Variants in HYAL3 observed in about 807,000 individuals in gnomAD.
HYAL3 encodes the protein hyaluronidase-3.
A neutral mutation model predicts 29.6 loss-of-function variants in HYAL3; 25 were observed. That is an observed-to-expected ratio of 0.85 (90% CI 0.62 to 1.18). The LOEUF (loss-of-function observed/expected upper bound fraction) is 1.18. HYAL3 is among the 50% of genes most tolerant of loss of function. The probability of loss-of-function intolerance (pLI) is 0.00; values close to 1 mark genes in which losing one functional copy is unlikely to be tolerated. For missense variants in HYAL3, 442 were observed against 548.4 expected (o/e 0.81, Z 1.94); for synonymous variants, 215 against 218.3 (o/e 0.99, Z 0.13).
chr3:50,293,762 G>C (rs782321542), intron 2 of HYAL3, 41 bp from the exon 3 acceptor site: 28 of 1,540,146 alleles, frequency 1.8e-5, no homozygotes, highest in Middle Eastern at 3.4e-4. Context: ...GGGCTGGCCA[G>C]ATCCATGTGG....
rs782543339 is a variant in HYAL3, at chr3:50,293,535, T to C, written c.985-20A>G. ...CTCCTCCTGAGGAGAAGGGAAGATATGTGTCAATATGCCTGCTCTATAATC... is the reference window on the plus strand; with the variant it reads ...CTCCTCCTGAGGAGAAGGGAAGATACGTGTCAATATGCCTGCTCTATAATC... On this transcript the variant is annotated intron_variant, in intron 3 of 3. Transcript: ENST00000336307. 5 of 1,611,148 alleles carry C rather than the reference T, an allele frequency of 3.1e-6. No individual in the cohort carries two copies. The highest frequency in any genetic ancestry group is 1.3e-5 in the African/African-American group (1 of 74,890).
intron 3 of HYAL3, 40 bp from the exon 4 acceptor site, chr3:50,293,555 A>G (rs782184414): frequency 6.2e-7 from 1 of 1,611,882 alleles, no homozygotes; most frequent in South Asian, 1.1e-5. Flanking sequence ...TGCCTGCTCT[A>G]TAATCTTGAC....
chr3:50,297,240 C>T lies in HYAL3; in HGVS notation c.-17-1621G>A. On this transcript the variant is annotated intron_variant, in intron 1 of 3. Transcript: ENST00000336307. The surrounding 1 kb of genome is among the most constrained non-coding windows in gnomAD (Gnocchi z 4.3). The stretch of plus-strand genomic sequence containing the variant: ...CCACTGATCATTGATGAGGTCAGCA[C>T]AAGCATCCAGGAGCTCGGGTCGGCG... 6.2e-7 allele frequency: 1 copy of T among 1,612,176 alleles called. No homozygotes were observed. The highest frequency in any genetic ancestry group is 8.5e-7 in the Non-Finnish European group (1 of 1,178,768).
In HYAL3 at chr3:50,294,965, G is replaced by T; in HGVS notation, c.638C>A (p.Ala213Asp). 6.2e-7 allele frequency: 1 copy of T among 1,612,328 alleles called. No homozygotes were observed. Among genetic ancestry groups the T allele is most frequent in the Non-Finnish European group, 8.5e-7 (1 of 1,179,222 alleles). ...ATGGCAGCGGCCGGTATAGTTGGAA[G>T]CCATACTATGCCAGCCATTGCCACA... ...PACGNGWHSM[A>D]SNYTGRCHAA... Residue 213 changes from alanine (A) to aspartate (D), a missense_variant, in exon 2 of 4, where the codon GCT becomes GAT. By Grantham distance (126) the Ala-to-Asp change is moderately radical. Coordinates refer to ENST00000336307, the MANE Select transcript of HYAL3 (RefSeq NM_003549.4).
Position 50,294,747 on chromosome 3 carries a change from G to A in HYAL3, c.856C>T (p.Arg286Cys), listed in dbSNP as rs755885665. ...CTCCCAGATCTCCGGTGTGTGAGGC[G>A]GACATAGGCCAGGACAGGCAGGGGA... The part of the protein sequence containing the change: ...RHPLPVLAYV[R>C]LTHRRSGRFL... The change falls in exon 2 of 4, where the codon CGC becomes TGC. Residue 286 changes from arginine to cysteine, a missense_variant. Physicochemically the swap from Arg to Cys is radical, Grantham distance 180. Transcript: ENST00000336307. 2.5e-5 allele frequency: 38 copies of A among 1,507,684 alleles called. No homozygotes were observed. The highest frequency in any genetic ancestry group is 9.1e-5 in the Admixed American group (4 of 43,924). The allele number at this position is 1,507,684 out of a possible 1,614,324, so 93.4% of individuals were successfully genotyped here.
chr3:50,299,377 C>T lies in HYAL3; in HGVS notation c.-182G>A, dbSNP rs1270517207. 1.0e-5 allele frequency: 15 copies of T among 1,469,314 alleles called. No individual in the cohort carries two copies. The highest frequency in any genetic ancestry group is 2.5e-5 in the East Asian group (1 of 40,228). 91.0% of individuals were successfully genotyped at this position (1,469,314 alleles called of 1,614,324 possible). On this transcript the variant is annotated 5_prime_UTR_variant, in exon 1 of 4. Coordinates refer to ENST00000336307, the MANE Select transcript of HYAL3 (RefSeq NM_003549.4). ...TGCGGCACGCCACGGCGTTCTAAGG[C>T]CTCCCAGCACCCGCGCGTCGCCGCT...
chr3:50,299,265 T>C lies in HYAL3; in HGVS notation c.-70A>G. The C allele has an allele frequency of 6.2e-7, 1 of 1,613,848 alleles. No homozygotes were observed. Among genetic ancestry groups the C allele is most frequent in the Non-Finnish European group, 8.5e-7 (1 of 1,179,978 alleles). On this transcript the variant is annotated 5_prime_UTR_variant, in exon 1 of 4. It adds an upstream start codon to the 5' untranslated region. Transcript: ENST00000336307. Reference sequence around the variant, plus strand: ...CGCGTCCTAGCTCCGCACAGCTGGGTATCTCACTCAGTCGCCACCTCGGAC... The same window carrying C: ...CGCGTCCTAGCTCCGCACAGCTGGGCATCTCACTCAGTCGCCACCTCGGAC...
chr3:50,299,118 G>A (rs1186370306), intron 1 of HYAL3, 95 bp downstream of exon 1: 3 of 1,611,804 alleles, frequency 1.9e-6, no homozygotes, highest in Non-Finnish European at 1.7e-6. Flanking sequence ...ACGAACGACT[G>A]ACGCGGGGAG....
Position 50,294,922 on chromosome 3 carries a change from G to A in HYAL3, c.681C>T (p.Arg227=). The change falls in exon 2 of 4, where the codon CGC becomes CGT. Residue 227 remains arginine (R), a synonymous_variant. Transcript: ENST00000336307. The part of the protein sequence containing the change: ...TGRCHAATLA[R]NTQLHWLWAA... ...CCCAGAGCCAATGCAGTTGAGTGTT[G>A]CGGGCAAGGGTGGCTGCATGGCAGC... The A allele has an allele frequency of 6.3e-7, 1 of 1,596,366 alleles. No individual in the cohort carries two copies. Among genetic ancestry groups the A allele is most frequent in the Non-Finnish European group, 8.6e-7 (1 of 1,167,096 alleles).
intron 3 of HYAL3, 39 bp downstream of exon 3, chr3:50,293,593 G>T: frequency 1.2e-6 from 2 of 1,613,104 alleles, no homozygotes; most frequent in South Asian, 2.2e-5. Flanking sequence ...TGGGACCCCA[G>T]CATGTGCTAC....
At position 50,295,597 on chromosome 3, in the gene HYAL3, G is replaced by C. The variant is rs781882878; in HGVS notation, c.6C>G (p.Thr2=). ...GCACCAGGGCTGGGCCCAGTTGCGT[G>C]GTCATTCCCCAAGGATGGAAACCTG... M[T]TQLGPALVLG... The change falls in exon 2 of 4, where the codon ACC becomes ACG. Residue 2 remains threonine, a synonymous_variant. Transcript: ENST00000336307. The C allele has an allele frequency of 6.5e-7, 1 of 1,542,884 alleles. No individual in the cohort carries two copies. The highest frequency in any genetic ancestry group is 2.3e-5 in the East Asian group (1 of 44,176).
intron 1 of HYAL3, 126 bp from the exon 2 acceptor site, chr3:50,295,745 T>C (rs1163519328): frequency 1.2e-6 from 1 of 808,246 alleles, no homozygotes. Flanking sequence ...GGGGAAAGCA[T>C]GTTTCCCCAG....
chr3:50,293,027 T>G lies in HYAL3; in HGVS notation c.*219A>C, dbSNP rs1701717195. 6.7e-7 allele frequency: 1 copy of G among 1,485,976 alleles called. No homozygotes were observed. Among genetic ancestry groups the G allele is most frequent in the African/African-American group, 1.4e-5 (1 of 72,670 alleles). 92.0% of individuals were successfully genotyped at this position (1,485,976 alleles called of 1,614,324 possible). On this transcript the variant is annotated 3_prime_UTR_variant, in exon 4 of 4. Transcript: ENST00000336307. Reference sequence around the variant, plus strand: ...GCTGGAACCTGACTCTCCCTGGAACTGCTTCCTTGCCATGGAGGACTCACA... The same window carrying G: ...GCTGGAACCTGACTCTCCCTGGAACGGCTTCCTTGCCATGGAGGACTCACA...
In HYAL3 at chr3:50,299,341, C is replaced by T; in HGVS notation, c.-146G>A. 1.9e-6 allele frequency: 3 copies of T among 1,576,828 alleles called. No individual in the cohort carries two copies. The highest frequency in any genetic ancestry group is 2.6e-6 in the Non-Finnish European group (3 of 1,163,978). On this transcript the variant is annotated 5_prime_UTR_variant, in exon 1 of 4. Transcript: ENST00000336307. ...CAGCGGTGCGGCGGATGTTCTGCAGCCGTCGCGTCCTGCGGCACGCCACGG... is the reference window on the plus strand; with the variant it reads ...CAGCGGTGCGGCGGATGTTCTGCAGTCGTCGCGTCCTGCGGCACGCCACGG...
Position 50,297,033 on chromosome 3 carries a change from G to T in HYAL3, c.-17-1414C>A, listed in dbSNP as rs975122679. The T allele has an allele frequency of 3.2e-6, 5 of 1,540,024 alleles. No homozygotes were observed. The highest frequency in any genetic ancestry group is 1.4e-5 in the African/African-American group (1 of 72,382). ...AAAGCCACGGCCCCTCAGGGCCCGG[G>T]CCACCACCACTGTCTCCACTAAGAG... is the stretch of plus-strand genomic sequence containing the variant. On this transcript the variant is annotated intron_variant, in intron 1 of 3. Coordinates refer to ENST00000336307, the MANE Select transcript of HYAL3 (RefSeq NM_003549.4). The surrounding 1 kb of genome is among the most constrained non-coding windows in gnomAD (Gnocchi z 4.3).
chr3:50,295,786 C>T (rs1188418422), intron 1 of HYAL3, 167 bp from the exon 2 acceptor site: 10 of 390,364 alleles, frequency 2.6e-5, no homozygotes, highest in African/African-American at 4.4e-5. Flanking sequence ...AGCAGCCACA[C>T]CGCAAGCTGG....
chr3:50,295,964 G>C (rs1196137033), intron 1 of HYAL3, among the ~76,000 whole-genome samples: 1 of 152,124 alleles, frequency 6.6e-6, no homozygotes, highest in Non-Finnish European at 1.5e-5. Flanking sequence ...CCTCTTCCAA[G>C]AACAGTCAGC....
intron 2 of HYAL3, 77 bp from the exon 3 acceptor site, chr3:50,293,798 T>G: frequency 1.6e-6 from 2 of 1,266,328 alleles, no homozygotes; most frequent in Non-Finnish European, 2.3e-6. Flanking sequence ...CAAGAAACTC[T>G]TCTGGTTCAC....
rs1232161001 is a variant in HYAL3, at chr3:50,299,385, C to T, written c.-190G>A. The T allele has an allele frequency of 1.4e-6, 2 of 1,445,740 alleles. No individual in the cohort carries two copies. Among genetic ancestry groups the T allele is most frequent in the African/African-American group, 2.8e-5 (2 of 70,836 alleles). The allele number at this position is 1,445,740 out of a possible 1,614,324, so 89.6% of individuals were successfully genotyped here. ...GCCACGGCGTTCTAAGGCCTCCCAGCACCCGCGCGTCGCCGCTTAGAACCC... is the reference window on the plus strand; with the variant it reads ...GCCACGGCGTTCTAAGGCCTCCCAGTACCCGCGCGTCGCCGCTTAGAACCC... On this transcript the variant is annotated 5_prime_UTR_variant, in exon 1 of 4. Transcript: ENST00000336307.
Sources: gnomAD v4.1 joint callset for allele counts (sites outside exome capture counted in the v4.1 genomes callset) on GRCh38, gnomAD v4.1.1 for gene constraint, Gnocchi (gnomAD v3.1) non-coding constraint, MANE v1.5 for transcripts, NCBI Gene and HGNC (gene_info 2026-07-23, HGNC 2026-07-21) for gene names.